BRDT: variants seen among roughly 807,000 people sequenced by gnomAD.
BRDT encodes bromodomain testis-specific protein.
A neutral mutation model predicts 113.9 loss-of-function variants in BRDT; 77 were observed. The observed-to-expected ratio is 0.68, with a 90% confidence interval of 0.56 to 0.82. The LOEUF (loss-of-function observed/expected upper bound fraction) is 0.82. BRDT is among the 40% of genes least tolerant of loss of function. The pLI is 0.00. For missense variants in BRDT, 1,027 were observed against 1,105.4 expected, an observed-to-expected ratio of 0.93 and a Z score of 1.01; for synonymous variants, 358 against 366.5, an observed-to-expected ratio of 0.98 and a Z score of 0.26.
At chr1:91,958,214 C>CCT (rs1553183980) in intron 1 of BRDT, among the ~76,000 whole-genome samples, 5 of 127,344 alleles carry the variant, frequency 3.9e-5, no homozygotes, top group Admixed American at 8.8e-5. Flanking sequence ...AACTCATGCC[C>CCT]TTTTTTTTTT....
At chr1:91,966,866 C>T (rs1557814342) in intron 3 of BRDT, among the ~76,000 whole-genome samples, 1 of 152,058 alleles carries the variant, frequency 6.6e-6, no homozygotes, top group African/African-American at 2.4e-5. Context: ...GTCAGGAGTT[C>T]GAGATTAGCC....
chr1:91,966,119 A>G (rs559834471), intron 3 of BRDT, among the ~76,000 whole-genome samples: 3 of 151,976 alleles, frequency 2.0e-5, no homozygotes, highest in Non-Finnish European at 4.4e-5. Flanking sequence ...TAATCTTCAT[A>G]TTGGCTCTCA....
intron 15 of BRDT, among the ~76,000 whole-genome samples, chr1:91,999,196 A>G (rs1686615316): frequency 1.3e-5 from 2 of 152,158 alleles, no homozygotes; most frequent in South Asian, 2.1e-4. Context: ...TAGAATGGGC[A>G]GGTCTGCAAA....
Position 91,976,257 on chromosome 1 carries a change from C to T in BRDT, c.446-9C>T. ...TTCATATATTTGATTCTGGCTCATACTTTTCCAGGCACTCAACAGAATATA... is the reference window on the plus strand; with the variant it reads ...TTCATATATTTGATTCTGGCTCATATTTTTCCAGGCACTCAACAGAATATA... On this transcript the variant is annotated splice_polypyrimidine_tract_variant and intron_variant, in intron 4 of 18. Coordinates refer to ENST00000399546, the MANE Select transcript of BRDT (RefSeq NM_207189.4). 6.3e-7 allele frequency: 1 copy of T among 1,577,216 alleles called. No individual in the cohort carries two copies. The highest frequency in any genetic ancestry group is 8.6e-7 in the Non-Finnish European group (1 of 1,166,100).
Position 91,978,304 on chromosome 1 carries a change from G to A in BRDT, c.1098+8G>A. 6.2e-7 allele frequency: 1 copy of A among 1,613,484 alleles called. No homozygotes were observed. The highest frequency in any genetic ancestry group is 8.5e-7 in the Non-Finnish European group (1 of 1,179,790). ...ATGGCAAGAATGCTTCAGGTGAGCT[G>A]TTACTTGTGCTCTGAAGGTGTTTTT... On this transcript the variant is annotated splice_region_variant and intron_variant, in intron 7 of 18. Transcript: ENST00000399546.
At chr1:91,972,006 C>CTTTTTTTTTTTTTTTTTTT (rs1002745728) in intron 4 of BRDT, among the ~76,000 whole-genome samples, 1 of 145,008 alleles carries the variant, frequency 6.9e-6, no homozygotes. Context: ...GCTATTGTTC[C>CTTTTTTTTTTTTTTTTTTT]TTTTTTTTTT....
At chr1:91,985,795 C>T (rs181270899) in intron 12 of BRDT, among the ~76,000 whole-genome samples, 7,986 of 151,892 alleles carry the variant, frequency 0.053, 357 homozygotes, top group Admixed American at 0.14. Flanking sequence ...CCCGCCACCA[C>T]GCCCGGCTAA....
chr1:91,981,585 T>C, intron 11 of BRDT, 33 bp from the exon 12 acceptor site: 1 of 1,606,976 alleles, frequency 6.2e-7, no homozygotes, highest in Non-Finnish European at 8.5e-7. Flanking sequence ...ATTTAATTCT[T>C]CTGGCATTTT....
At chr1:91,963,008 A>C in intron 2 of BRDT, 62 bp downstream of exon 2, 1 of 1,298,798 alleles carries the variant, frequency 7.7e-7, no homozygotes, top group Non-Finnish European at 1.1e-6. Context: ...TTTCTGTAAG[A>C]CATAACTAGT....
rs537006412 is a variant in BRDT, at chr1:91,982,631, C to T, written c.2002+876C>T. On this transcript the variant is annotated intron_variant, in intron 12 of 18. Transcript: ENST00000399546. ...AATTCTTAGCATTATTAAAAGCATC[C>T]CTCTTTTTTTCAGTGTGGTAGTATG... Among the ~76,000 whole-genome samples, 24 of 152,186 alleles carry T rather than the reference C, an allele frequency of 1.6e-4. 1 individual carries two copies. The South Asian group carries it at 5.0e-3, about 32-fold the overall frequency.
At chr1:92,003,693 G>C (rs1359087718) in intron 16 of BRDT, among the ~76,000 whole-genome samples, 1 of 152,102 alleles carries the variant, frequency 6.6e-6, no homozygotes, top group Non-Finnish European at 1.5e-5. Flanking sequence ...TAGGAATTTA[G>C]CATTTGAAGT....
At chr1:91,993,724 T>C (rs1031091000) in intron 14 of BRDT, among the ~76,000 whole-genome samples, 1 of 151,858 alleles carries the variant, frequency 6.6e-6, no homozygotes, top group South Asian at 2.1e-4. Context: ...AGCTCAGGGG[T>C]TTGTTTTGTT....
chr1:91,991,225 CCTT>C lies in BRDT; in HGVS notation c.2047_2049del (p.Ser683del), dbSNP rs1401624476. Reference sequence around the variant, plus strand: ...TACAGAAGTAAAACCAAATGATTCTCCTTCTAAAGAGAATGTAAAGGTAAGTGA... The same window carrying C: ...TACAGAAGTAAAACCAAATGATTCTCCTAAAGAGAATGTAAAGGTAAGTGA... On this transcript the variant is annotated inframe_deletion, in exon 13 of 19. Coordinates refer to ENST00000399546, the MANE Select transcript of BRDT (RefSeq NM_207189.4). 2 of 1,549,218 alleles carry C rather than the reference CCTT, an allele frequency of 1.3e-6. No individual in the cohort carries two copies. The highest frequency in any genetic ancestry group is 1.8e-6 in the Non-Finnish European group (2 of 1,132,386).
At chr1:91,967,666 G>A (rs1683210574) in intron 3 of BRDT, among the ~76,000 whole-genome samples, 1 of 152,092 alleles carries the variant, frequency 6.6e-6, no homozygotes, top group African/African-American at 2.4e-5. Context: ...CCAAAGTTCT[G>A]GGATTGTAGG....
intron 16 of BRDT, among the ~76,000 whole-genome samples, chr1:92,003,988 A>G (rs929714557): frequency 3.9e-5 from 6 of 152,166 alleles, no homozygotes; most frequent in African/African-American, 1.4e-4. Context: ...TCCATGTCAG[A>G]GGACTCTCAA....
At chr1:92,004,747 C>A in intron 17 of BRDT, 128 bp downstream of exon 17, 1 of 776,610 alleles carries the variant, frequency 1.3e-6, no homozygotes. Flanking sequence ...ATTGTAATTG[C>A]AAAAAGTACA....
At chr1:91,998,555 A>T (rs2101779724) in intron 15 of BRDT, among the ~76,000 whole-genome samples, 1 of 152,352 alleles carries the variant, frequency 6.6e-6, no homozygotes. Flanking sequence ...TTAGGCTGTT[A>T]TATAAACATG....
chr1:91,994,354 G>A, intron 15 of BRDT, 100 bp downstream of exon 15: 1 of 979,790 alleles, frequency 1.0e-6, no homozygotes, highest in Non-Finnish European at 1.5e-6. Context: ...AAATATCTGG[G>A]AAATACCAAC....
At chr1:91,962,319 C>T (rs866051843) in intron 1 of BRDT, among the ~76,000 whole-genome samples, 4 of 124,414 alleles carry the variant, frequency 3.2e-5, no homozygotes, top group Non-Finnish European at 7.2e-5. Context: ...TCATGATGTG[C>T]TTTAAAACAC....
Sources: gnomAD v4.1 joint callset for allele counts (sites outside exome capture counted in the v4.1 genomes callset) on GRCh38, gnomAD v4.1.1 for gene constraint, MANE v1.5 for transcripts, NCBI Gene and HGNC (gene_info 2026-07-23, HGNC 2026-07-21) for gene names.